The following MACROD2 variants were observed in gnomAD, a reference collection of about 807,000 sequenced individuals.
MACROD2 encodes the protein mono-ADP ribosylhydrolase 2.
A neutral mutation model predicts 70.4 loss-of-function variants in MACROD2; 36 were observed. The ratio of observed to expected loss-of-function variants is 0.51; its 90% CI spans 0.39 to 0.68. The LOEUF (loss-of-function observed/expected upper bound fraction) is 0.68. Among genes scored for constraint, MACROD2 ranks in the 30% least tolerant of loss-of-function variants. MACROD2 has a pLI of 0.00. For missense variants in MACROD2, 496 were observed against 538.4 expected, an observed-to-expected ratio of 0.92 and a Z score of 0.78; for synonymous variants, 172 against 178.8, an observed-to-expected ratio of 0.96 and a Z score of 0.30.
At chr20:14,916,251 C>T (rs761680518) in intron 5 of MACROD2, among the ~76,000 whole-genome samples, 1 of 152,102 alleles carries the variant, frequency 6.6e-6, no homozygotes, top group African/African-American at 2.4e-5. Context: ...CTGAACTGAG[C>T]CATTAGAACT....
intron 4 of MACROD2, among the ~76,000 whole-genome samples, chr20:14,649,376 G>A (rs917119274): frequency 1.3e-5 from 2 of 152,162 alleles, no homozygotes; most frequent in African/African-American, 4.8e-5. Flanking sequence ...TATTCTTATG[G>A]GTAGGGATGT....
intron 3 of MACROD2, among the ~76,000 whole-genome samples, chr20:14,383,411 G>T (rs2122779595): frequency 6.6e-6 from 1 of 151,978 alleles, no homozygotes; most frequent in South Asian, 2.1e-4. Context: ...CACTGAAGTT[G>T]TGAATAAAAT....
At chr20:14,519,156 T>C (rs1415883772) in intron 4 of MACROD2, among the ~76,000 whole-genome samples, 1 of 152,168 alleles carries the variant, frequency 6.6e-6, no homozygotes, top group Non-Finnish European at 1.5e-5. Flanking sequence ...CACTGGAATC[T>C]TTTACCTCCC....
At chr20:15,125,026 G>A (rs1474619836) in intron 5 of MACROD2, among the ~76,000 whole-genome samples, 2 of 152,096 alleles carry the variant, frequency 1.3e-5, no homozygotes, top group Non-Finnish European at 2.9e-5. Flanking sequence ...AATTCTGTGA[G>A]TGAGGTGGAA....
intron 3 of MACROD2, chr20:14,329,147 G>T (rs1412546179): frequency 1.3e-5 from 2 of 152,020 alleles, no homozygotes; most frequent in African/African-American, 4.8e-5. Flanking sequence ...CTGTGAAATA[G>T]CTATTTCCAG....
intron 3 of MACROD2, among the ~76,000 whole-genome samples, chr20:14,216,326 G>T (rs753968454): frequency 5.3e-5 from 8 of 151,980 alleles, no homozygotes; most frequent in Admixed American, 2.0e-4. Flanking sequence ...AAGTATTTGG[G>T]TTTATTTCTG....
chr20:15,108,330 A>G (rs758812784), intron 5 of MACROD2, among the ~76,000 whole-genome samples: 2 of 152,248 alleles, frequency 1.3e-5, no homozygotes, highest in Non-Finnish European at 2.9e-5. Flanking sequence ...ACAAGCATTA[A>G]TAGAGTAAGT....
At chr20:15,610,173 C>T (rs1289852704) in intron 8 of MACROD2, among the ~76,000 whole-genome samples, 1 of 152,208 alleles carries the variant, frequency 6.6e-6, no homozygotes. Context: ...GTTTGCTGGG[C>T]AACCTCAGTA....
At position 14,360,330 on chromosome 20, in the gene MACROD2, T is replaced by A. The variant is rs188915383; in HGVS notation, c.272-133149T>A. 9.6e-4 allele frequency among the ~76,000 whole-genome samples: 147 copies of A among 152,332 alleles called. 1 individual carries two copies. The Middle Eastern group carries it at 0.01, about 11-fold the overall frequency. On this transcript the variant is annotated intron_variant, in intron 3 of 17. Coordinates refer to ENST00000684519, the MANE Select transcript of MACROD2 (RefSeq NM_001351661.2). ...GTGTTAATTAGCTCAATTTAGCCATTCCACAATGTATACATATTTTAAAGA... is the reference window on the plus strand; with the variant it reads ...GTGTTAATTAGCTCAATTTAGCCATACCACAATGTATACATATTTTAAAGA...
At chr20:14,476,668 T>C (rs2084598868) in intron 3 of MACROD2, among the ~76,000 whole-genome samples, 2 of 152,224 alleles carry the variant, frequency 1.3e-5, no homozygotes, top group African/African-American at 4.8e-5. Context: ...ATTACCTTTC[T>C]TTCTATAATT....
chr20:14,578,430 ATTGATAATCCAGGTAT>A (rs1270972174), intron 4 of MACROD2, among the ~76,000 whole-genome samples: 6 of 152,008 alleles, frequency 3.9e-5, no homozygotes, highest in Non-Finnish European at 2.9e-5. Flanking sequence ...TAAGGGAGGG[ATTGATAATCCAGGTAT>A]TTTTGACTGC....
intron 6 of MACROD2, among the ~76,000 whole-genome samples, chr20:15,233,730 T>C (rs2076979495): frequency 6.6e-6 from 1 of 151,548 alleles, no homozygotes; most frequent in South Asian, 2.1e-4. Flanking sequence ...GCATTTCTTT[T>C]ATGAATGATG....
At position 14,176,809 on chromosome 20, in the gene MACROD2, A is replaced by G. The variant is rs1011533306; in HGVS notation, c.271+91081A>G. ...CCCTTTACCTCAAAATAATACAACC[A>G]TAATTCTGACTTGATTATCTGTGGG... is the stretch of plus-strand genomic sequence containing the variant. On this transcript the variant is annotated intron_variant, in intron 3 of 17. Transcript: ENST00000684519. 2.2e-4 allele frequency among the ~76,000 whole-genome samples: 34 copies of G among 152,212 alleles called. 1 individual carries two copies. Among genetic ancestry groups the G allele is most frequent in the African/African-American group, 8.2e-4 (34 of 41,460 alleles).
intron 8 of MACROD2, among the ~76,000 whole-genome samples, chr20:15,583,253 A>G (rs1434739557): frequency 6.6e-6 from 1 of 152,144 alleles, no homozygotes; most frequent in African/African-American, 2.4e-5. Context: ...AGTTATCTCT[A>G]CAACTTCTTA....
chr20:14,181,577 A>T (rs2148731512), intron 3 of MACROD2, among the ~76,000 whole-genome samples: 1 of 151,818 alleles, frequency 6.6e-6, no homozygotes, highest in East Asian at 1.9e-4. Flanking sequence ...CCACTATCTA[A>T]TTCCGGATCT....
chr20:15,299,295 G>A (rs1411958584), intron 6 of MACROD2, among the ~76,000 whole-genome samples: 1 of 152,160 alleles, frequency 6.6e-6, no homozygotes, highest in Non-Finnish European at 1.5e-5. Context: ...TACTTAAGGA[G>A]CAAAACGGTC....
At chr20:15,975,302 C>T (rs1051510463) in intron 13 of MACROD2, among the ~76,000 whole-genome samples, 1 of 152,080 alleles carries the variant, frequency 6.6e-6, no homozygotes, top group African/African-American at 2.4e-5. Flanking sequence ...GACTGAAAGG[C>T]ATAACCTCCT....
chr20:14,718,024 G>T (rs2071416619), intron 5 of MACROD2, among the ~76,000 whole-genome samples: 1 of 152,046 alleles, frequency 6.6e-6, no homozygotes. Flanking sequence ...AGATGGTGCG[G>T]TGGCTCGCGC....
At chr20:15,975,274 C>T (rs1373806500) in intron 13 of MACROD2, among the ~76,000 whole-genome samples, 1 of 151,980 alleles carries the variant, frequency 6.6e-6, no homozygotes, top group East Asian at 1.9e-4. Context: ...CAAACACGCT[C>T]GCATAATATT....
Sources: gnomAD v4.1 joint callset for allele counts (sites outside exome capture counted in the v4.1 genomes callset) on GRCh38, gnomAD v4.1.1 for gene constraint, MANE v1.5 for transcripts, NCBI Gene and HGNC (gene_info 2026-07-23, HGNC 2026-07-21) for gene names.